Variants in NPAS2 observed in about 807,000 individuals in gnomAD.
NPAS2 encodes neuronal PAS domain-containing protein 2.
Under a neutral mutation model 107.5 loss-of-function variants are expected in NPAS2, and 23 were observed. The ratio of observed to expected loss-of-function variants is 0.21; its 90% CI spans 0.15 to 0.30. The LOEUF (loss-of-function observed/expected upper bound fraction) is 0.30. NPAS2 is among the 10% of genes least tolerant of loss of function. The pLI, the probability that NPAS2 is intolerant of heterozygous loss-of-function variation, is 1.00. For missense variants in NPAS2, 756 were observed against 1,043.3 expected (o/e 0.72, Z 3.79); for synonymous variants, 403 against 417.5 (o/e 0.97, Z 0.42).
chr2:100,826,453 T>C (rs1676386916), intron 1 of NPAS2, among the ~76,000 whole-genome samples: 1 of 152,028 alleles, frequency 6.6e-6, no homozygotes, highest in Admixed American at 6.6e-5. Context: ...AAAAATAAAA[T>C]TAAACTAAAA....
rs564966790 is a variant in NPAS2, at chr2:100,945,238, C to T, written c.364-2997C>T. 9.9e-5 allele frequency among the ~76,000 whole-genome samples: 15 copies of T among 152,234 alleles called. No homozygotes were observed. The East Asian group carries it at 1.9e-3, about 20-fold the overall frequency. ...CCTTCCTTTCCCTCCTCCTGTCCTCCGATCAGCCACCAAGCTGTGTCCACT... is the reference window on the plus strand; with the variant it reads ...CCTTCCTTTCCCTCCTCCTGTCCTCTGATCAGCCACCAAGCTGTGTCCACT... On this transcript the variant is annotated intron_variant, in intron 5 of 20. Transcript: ENST00000335681.
At chr2:100,975,753 C>CA in intron 14 of NPAS2, 186 bp downstream of exon 14, 1 of 500,646 alleles carries the variant, frequency 2.0e-6, no homozygotes. Context: ...ATTTGCATGA[C>CA]AAAATTAACA....
At chr2:100,973,844 TTTA>T (rs1375577493) in intron 12 of NPAS2, among the ~76,000 whole-genome samples, 5 of 152,038 alleles carry the variant, frequency 3.3e-5, no homozygotes, top group African/African-American at 1.2e-4. Context: ...CTTTGTTTGG[TTTA>T]TTATTATTTT....
rs189747960 is a variant in NPAS2, at chr2:100,858,022, A to G, written c.-23+37608A>G. On this transcript the variant is annotated intron_variant, in intron 1 of 20. Coordinates refer to ENST00000335681, the MANE Select transcript of NPAS2 (RefSeq NM_002518.4). ...GAAGAAAAAGTCAGTACTCAAGAGA[A>G]GGAAATGATGCAGCTCTTTATAAAA... 3.9e-5 allele frequency among the ~76,000 whole-genome samples: 6 copies of G among 152,394 alleles called. No individual in the cohort carries two copies. The East Asian group carries it at 9.6e-4, about 24-fold the overall frequency.
At chr2:100,955,818 C>T (rs1432241957) in intron 7 of NPAS2, among the ~76,000 whole-genome samples, 1 of 152,152 alleles carries the variant, frequency 6.6e-6, no homozygotes, top group Admixed American at 6.5e-5. Flanking sequence ...GGCCAGTAGC[C>T]CCCTTACCTG....
At chr2:100,881,642 C>T (rs545174930) in intron 1 of NPAS2, among the ~76,000 whole-genome samples, 110 of 151,950 alleles carry the variant, frequency 7.2e-4, no homozygotes, top group African/African-American at 2.5e-3. Flanking sequence ...GCTGAGATCA[C>T]AGCACTGCAC....
chr2:100,977,951 G>A, intron 15 of NPAS2, 152 bp downstream of exon 15: 2 of 648,024 alleles, frequency 3.1e-6, no homozygotes, highest in Non-Finnish European at 5.4e-6. Context: ...CGAGCCATGA[G>A]GTTCCCCCCA....
chr2:100,856,273 G>A (rs1338225008), intron 1 of NPAS2, among the ~76,000 whole-genome samples: 1 of 152,208 alleles, frequency 6.6e-6, no homozygotes, highest in African/African-American at 2.4e-5. Context: ...TTGCTAATTA[G>A]TAGCCTTTCT....
intron 1 of NPAS2, among the ~76,000 whole-genome samples, chr2:100,865,506 C>T (rs1679196170): frequency 2.0e-5 from 3 of 152,202 alleles, no homozygotes; most frequent in African/African-American, 7.2e-5. Context: ...TGACTGCTGA[C>T]ATAGTCTACT....
intron 2 of NPAS2, among the ~76,000 whole-genome samples, chr2:100,907,388 G>C (rs1164096773): frequency 1.3e-5 from 2 of 151,742 alleles, no homozygotes; most frequent in African/African-American, 4.8e-5. Flanking sequence ...AGTGAGGCTG[G>C]GGCCCACACT....
chr2:100,832,369 G>T (rs561327789), intron 1 of NPAS2, among the ~76,000 whole-genome samples: 1 of 152,068 alleles, frequency 6.6e-6, no homozygotes, highest in East Asian at 1.9e-4. Context: ...CTTACCTGAC[G>T]GTTGCCATGT....
chr2:100,952,173 A>G (rs538980651), intron 7 of NPAS2, among the ~76,000 whole-genome samples: 1 of 145,324 alleles, frequency 6.9e-6, no homozygotes, highest in Admixed American at 6.8e-5. Context: ...AAAAAAAAAG[A>G]TGTGCTTTGG....
chr2:100,898,489 G>A (rs558215765), intron 1 of NPAS2, among the ~76,000 whole-genome samples: 3 of 152,290 alleles, frequency 2.0e-5, no homozygotes, highest in African/African-American at 4.8e-5. Flanking sequence ...AGTAATTACT[G>A]CACAACTTTA....
intron 2 of NPAS2, among the ~76,000 whole-genome samples, chr2:100,916,296 G>A (rs576329384): frequency 9.2e-5 from 14 of 152,098 alleles, no homozygotes; most frequent in Non-Finnish European, 1.8e-4. Flanking sequence ...CTAAAAAACA[G>A]ATTTTGTTCC....
intron 1 of NPAS2, among the ~76,000 whole-genome samples, chr2:100,845,881 G>A (rs150926818): frequency 0.016 from 2,452 of 152,258 alleles, 22 homozygotes; most frequent in Non-Finnish European, 0.027. Flanking sequence ...CTCTCACCTG[G>A]TTCCTCACCA....
chr2:100,958,703 A>T (rs1675726004), intron 7 of NPAS2, among the ~76,000 whole-genome samples: 1 of 151,944 alleles, frequency 6.6e-6, no homozygotes, highest in Non-Finnish European at 1.5e-5. Flanking sequence ...GAGTGGGGGG[A>T]CCTTTCATAC....
chr2:100,921,387 T>C (rs977810404), intron 2 of NPAS2, among the ~76,000 whole-genome samples: 4 of 152,172 alleles, frequency 2.6e-5, no homozygotes, highest in Non-Finnish European at 5.9e-5. Context: ...CCAGCAAATA[T>C]TCCTTGTGTA....
intron 7 of NPAS2, among the ~76,000 whole-genome samples, chr2:100,949,923 G>A (rs563533110): frequency 3.9e-4 from 59 of 152,182 alleles, no homozygotes; most frequent in Admixed American, 3.4e-3. Flanking sequence ...GCTCACTGTG[G>A]CCCTCATGCA....
At chr2:100,824,838 G>A (rs938331437) in intron 1 of NPAS2, among the ~76,000 whole-genome samples, 10 of 152,218 alleles carry the variant, frequency 6.6e-5, no homozygotes, top group African/African-American at 2.4e-4. Context: ...CTCCCTGAAA[G>A]TAAATCTTGA....
Sources: allele counts gnomAD v4.1 joint callset (sites outside exome capture counted in the v4.1 genomes callset), GRCh38; gene constraint gnomAD v4.1.1; transcripts MANE v1.5; gene names NCBI Gene and HGNC (gene_info 2026-07-23, HGNC 2026-07-21).